Variants in RASAL2 observed in about 807,000 individuals in gnomAD.
RASAL2 encodes the protein RAS protein activator like 2, also known as ras GTPase-activating protein nGAP.
In RASAL2, 58 loss-of-function variants were observed where a neutral mutation model predicts 128.9. The observed-to-expected ratio is 0.45, with a 90% CI of 0.36 to 0.56. The LOEUF (loss-of-function observed/expected upper bound fraction) is 0.56. Among genes scored for constraint, RASAL2 ranks in the 20% least tolerant of loss-of-function variants. RASAL2 has a pLI of 0.00. For synonymous variants in RASAL2, 561 were observed against 580.8 expected (o/e 0.97, Z 0.49); for missense variants, 1,360 against 1,601.6 (o/e 0.85, Z 2.57).
chr1:178,413,721 TAAAAC>T (rs1674565180), intron 4 of RASAL2, among the ~76,000 whole-genome samples: 1 of 152,084 alleles, frequency 6.6e-6, no homozygotes, highest in Non-Finnish European at 1.5e-5. Flanking sequence ...ATCGGAAACT[TAAAAC>T]AATTATGATA....
rs141588426 is a variant in RASAL2 at position 178,153,339 on chromosome 1, T to G, written c.202+58645T>G. Among the ~76,000 whole-genome samples, 399 of 152,284 alleles carry G rather than the reference T, an allele frequency of 2.6e-3. 1 individual carries two copies. The highest frequency in any genetic ancestry group is 4.8e-3 in the Non-Finnish European group (327 of 68,002). On this transcript the variant is annotated intron_variant, in intron 1 of 17. Transcript: ENST00000367649. ...TATTGAGGTGAAATGTGCATAATAT[T>G]TAACATAAAATACACTGGTTTTAAG...
At position 178,466,215 on chromosome 1, in the gene RASAL2, A is replaced by G. The variant is rs1572130970; in HGVS notation, c.3590+93A>G. 3.2e-6 allele frequency: 4 copies of G among 1,245,520 alleles called. No homozygotes were observed. In the East Asian group the frequency reaches 1.0e-4, roughly 32 times the overall value. The allele number at this position is 1,245,520 out of a possible 1,614,324, so 77.2% of individuals were successfully genotyped here. A position where few individuals can be genotyped will look rare whatever the true frequency, so the allele number is the denominator to read the frequency against. On this transcript the variant is annotated intron_variant, in intron 16 of 17. Coordinates refer to ENST00000367649, the MANE Select transcript of RASAL2 (RefSeq NM_170692.4). ...CCCTGAAGGAATGGCAGCAAAAGCC[A>G]TTTTTATCCTTGTGGTACTGAGTAC... is the stretch of plus-strand genomic sequence containing the variant.
chr1:178,202,881 G>A (rs1662920148), intron 1 of RASAL2, among the ~76,000 whole-genome samples: 1 of 152,218 alleles, frequency 6.6e-6, no homozygotes, highest in Admixed American at 6.5e-5. Flanking sequence ...TGGTCATGGT[G>A]GCAGGGGTGG....
At chr1:178,245,227 C>T (rs964912901) in intron 1 of RASAL2, among the ~76,000 whole-genome samples, 5 of 152,206 alleles carry the variant, frequency 3.3e-5, no homozygotes, top group African/African-American at 1.2e-4. Flanking sequence ...TCCGCATCCT[C>T]GCCAGCATCT....
intron 4 of RASAL2, among the ~76,000 whole-genome samples, chr1:178,410,483 A>T (rs1446963825): frequency 1.3e-5 from 2 of 152,198 alleles, no homozygotes; most frequent in Non-Finnish European, 2.9e-5. Context: ...CGTGATCAAG[A>T]ACCCAAAAGC....
chr1:178,246,345 C>G (rs1224202936), intron 1 of RASAL2, among the ~76,000 whole-genome samples: 1 of 152,082 alleles, frequency 6.6e-6, no homozygotes, highest in Non-Finnish European at 1.5e-5. Context: ...AATGGGAGTT[C>G]ATTCAGGATT....
Position 178,456,778 on chromosome 1 carries a change from T to C in RASAL2, c.2269T>C (p.Leu757=), listed in dbSNP as rs1677806122. The C allele has an allele frequency of 6.2e-7, 1 of 1,614,146 alleles. No homozygotes were observed. Among genetic ancestry groups the C allele is most frequent in the South Asian group, 1.1e-5 (1 of 91,088 alleles). ...PRVLADITKS[L]TNPTPIQQQL... ...TGTTCTTGCTGATATTACCAAGTCATTGACTAATCCTACGCCAATACAACA... is the reference window on the plus strand; with the variant it reads ...TGTTCTTGCTGATATTACCAAGTCACTGACTAATCCTACGCCAATACAACA... Residue 757 remains leucine, a synonymous_variant, in exon 13 of 18, where the codon TTG becomes CTG. Transcript: ENST00000367649.
At chr1:178,239,319 G>A (rs1664392183) in intron 1 of RASAL2, among the ~76,000 whole-genome samples, 1 of 152,032 alleles carries the variant, frequency 6.6e-6, no homozygotes, top group Non-Finnish European at 1.5e-5. Context: ...GAACATAAGA[G>A]TTACTGTCAG....
At chr1:178,178,824 T>C (rs1661979992) in intron 1 of RASAL2, among the ~76,000 whole-genome samples, 1 of 152,190 alleles carries the variant, frequency 6.6e-6, no homozygotes, top group Admixed American at 6.5e-5. Flanking sequence ...TCTGTATTAA[T>C]TCTTTTCATT....
intron 1 of RASAL2, among the ~76,000 whole-genome samples, chr1:178,224,496 G>A (rs1663722355): frequency 1.3e-5 from 2 of 152,050 alleles, no homozygotes; most frequent in Non-Finnish European, 1.5e-5. Context: ...GATAGGAAAT[G>A]GGAAGAGGAT....
intron 3 of RASAL2, among the ~76,000 whole-genome samples, chr1:178,305,638 T>C (rs1188625304): frequency 6.6e-6 from 1 of 152,170 alleles, no homozygotes; most frequent in Non-Finnish European, 1.5e-5. Flanking sequence ...TTTGAAAGTG[T>C]GATTGACCAG....
intron 5 of RASAL2, among the ~76,000 whole-genome samples, chr1:178,432,713 C>G (rs1572063427): frequency 6.6e-6 from 1 of 152,076 alleles, no homozygotes; most frequent in East Asian, 1.9e-4. Flanking sequence ...TACCCTCTCC[C>G]CAATTCCTCC....
chr1:178,226,370 A>G (rs1324966844), intron 1 of RASAL2, among the ~76,000 whole-genome samples: 4 of 152,196 alleles, frequency 2.6e-5, no homozygotes, highest in Non-Finnish European at 2.9e-5. Context: ...AAAGAAAAAC[A>G]TACAAATGTT....
chr1:178,264,485 G>A (rs976485126), intron 1 of RASAL2, among the ~76,000 whole-genome samples: 3 of 152,110 alleles, frequency 2.0e-5, no homozygotes, highest in Non-Finnish European at 4.4e-5. Flanking sequence ...GAAAATCAGA[G>A]GTTCTTACAA....
At chr1:178,363,717 A>G (rs976097521) in intron 3 of RASAL2, among the ~76,000 whole-genome samples, 1 of 152,218 alleles carries the variant, frequency 6.6e-6, no homozygotes, top group Admixed American at 6.5e-5. Flanking sequence ...ACTAATGTTC[A>G]GTGAAATCCT....
intron 1 of RASAL2, among the ~76,000 whole-genome samples, chr1:178,260,242 A>G (rs1665609844): frequency 6.7e-6 from 1 of 148,766 alleles, no homozygotes; most frequent in South Asian, 2.2e-4. Context: ...AATCCCAGCC[A>G]CTTGGGAGGC....
intron 1 of RASAL2, among the ~76,000 whole-genome samples, chr1:178,241,292 G>C (rs1664485621): frequency 1.3e-5 from 2 of 152,008 alleles, no homozygotes; most frequent in African/African-American, 4.8e-5. Context: ...ATACAGATAT[G>C]GAAAGATCTC....
At chr1:178,282,612 A>G (rs561610882) in intron 1 of RASAL2, among the ~76,000 whole-genome samples, 1 of 152,076 alleles carries the variant, frequency 6.6e-6, no homozygotes, top group South Asian at 2.1e-4. Context: ...ATGATTTACA[A>G]CTCCCCTGCC....
chr1:178,308,520 T>A (rs1486238154), intron 3 of RASAL2, among the ~76,000 whole-genome samples: 1 of 151,728 alleles, frequency 6.6e-6, no homozygotes, highest in African/African-American at 2.4e-5. Context: ...ATAAAAGATA[T>A]TGATTATTCA....
Sources: gnomAD v4.1 joint callset for allele counts (sites outside exome capture counted in the v4.1 genomes callset) on GRCh38, gnomAD v4.1.1 for gene constraint, MANE v1.5 for transcripts, NCBI Gene and HGNC (gene_info 2026-07-23, HGNC 2026-07-21) for gene names.